The following PSPC1 variants were observed in gnomAD, a reference collection of about 807,000 sequenced individuals.
The protein encoded by PSPC1 is paraspeckle protein 1.
PSPC1 carries 14 observed loss-of-function variants against 51.6 expected under a neutral mutation model. That is an observed-to-expected ratio of 0.27 (90% CI 0.18 to 0.42). PSPC1 has a LOEUF of 0.42. PSPC1 is among the 10% of genes least tolerant of loss of function. The pLI is 1.00. For missense variants in PSPC1, 406 were observed against 701.1 expected, an observed-to-expected ratio of 0.58 and a Z score of 4.75; for synonymous variants, 193 against 231.9, an observed-to-expected ratio of 0.83 and a Z score of 1.53.
downstream of PSPC1, chr13:19,673,212 C>T (rs75415579): frequency 2.5e-4 from 109 of 430,344 alleles, 1 homozygote; most frequent in South Asian, 1.6e-3. Context: ...CCACCACCCT[C>T]TCTGGGAAGA....
At chr13:19,767,582 T>C (rs749990381) in intron 2 of PSPC1, among the ~76,000 whole-genome samples, 3 of 152,130 alleles carry the variant, frequency 2.0e-5, no homozygotes, top group South Asian at 2.1e-4. Flanking sequence ...AGGGTAAATA[T>C]GGTAATTAAG....
Position 19,702,771 on chromosome 13 carries a change from ATT to A in PSPC1, c.*402_*403del, listed in dbSNP as rs1880081021. The A allele has an allele frequency of 5.9e-6, 1 of 168,788 alleles. No homozygotes were observed. Among genetic ancestry groups the A allele is most frequent in the African/African-American group, 2.4e-5 (1 of 41,588 alleles). 10.5% of individuals were successfully genotyped at this position (168,788 alleles called of 1,614,324 possible). On this transcript the variant is annotated 3_prime_UTR_variant, in exon 9 of 9. Coordinates refer to ENST00000338910, the MANE Select transcript of PSPC1 (RefSeq NM_001354909.2). Reference sequence around the variant, plus strand: ...CTTGCGCAAATTAAAAAGCAAAATCATTTTCATTTTTAATGATAGGATTAGTT... The same window carrying A: ...CTTGCGCAAATTAAAAAGCAAAATCATTCATTTTTAATGATAGGATTAGTT...
chr13:19,729,372 A>C lies in PSPC1; in HGVS notation c.1158+867T>G, dbSNP rs181134639. Among the ~76,000 whole-genome samples, 769 of 152,118 alleles carry C rather than the reference A, an allele frequency of 5.1e-3. 32 individuals carry two copies. Among genetic ancestry groups the C allele is most frequent in the Admixed American group, 0.046 (696 of 15,252 alleles). The stretch of plus-strand genomic sequence containing the variant: ...GCCAATATAGTGAAACCCCGTCTCT[A>C]CTAAAAATACAAAAATTAGCCAGGT... On this transcript the variant is annotated intron_variant, in intron 6 of 8. Coordinates refer to ENST00000338910, the MANE Select transcript of PSPC1 (RefSeq NM_001354909.2).
At chr13:19,719,343 A>T (rs1207127705) in intron 6 of PSPC1, among the ~76,000 whole-genome samples, 1 of 152,190 alleles carries the variant, frequency 6.6e-6, no homozygotes, top group Non-Finnish European at 1.5e-5. Flanking sequence ...TAAAAATAAT[A>T]ATAATAAATC....
intron 6 of PSPC1, among the ~76,000 whole-genome samples, chr13:19,681,954 T>C (rs975011749): frequency 4.6e-5 from 7 of 152,242 alleles, no homozygotes; most frequent in Admixed American, 1.3e-4. Flanking sequence ...ACAAAGAATG[T>C]ATTTTCAACA....
intron 7 of PSPC1, chr13:19,675,632 A>G (rs1405988313): frequency 6.6e-6 from 1 of 152,178 alleles, no homozygotes; most frequent in African/African-American, 2.4e-5. Context: ...CGAACAGGAT[A>G]TTTCCCACAA....
chr13:19,696,516 TACGCACACACACACACATATCTG>T (rs1358830287), intron 6 of PSPC1, among the ~76,000 whole-genome samples: 1 of 146,428 alleles, frequency 6.8e-6, no homozygotes, highest in Admixed American at 7.1e-5. Flanking sequence ...CACACACACA[TACGCACACACACACACATATCTG>T]ACGCTACAAA....
At chr13:19,752,435 A>T (rs898334097) in intron 3 of PSPC1, among the ~76,000 whole-genome samples, 2 of 152,092 alleles carry the variant, frequency 1.3e-5, no homozygotes, top group Admixed American at 6.6e-5. Flanking sequence ...TATATATGTA[A>T]ATATTTATTT....
At chr13:19,761,701 G>A (rs1887619088) in intron 2 of PSPC1, among the ~76,000 whole-genome samples, 1 of 152,142 alleles carries the variant, frequency 6.6e-6, no homozygotes, top group African/African-American at 2.4e-5. Flanking sequence ...GAACCCAAAG[G>A]TAAAGAGACT....
chr13:19,685,266 C>G (rs918361797), intron 6 of PSPC1, among the ~76,000 whole-genome samples: 2 of 152,204 alleles, frequency 1.3e-5, no homozygotes, highest in African/African-American at 2.4e-5. Flanking sequence ...TCCGTAAGTG[C>G]CATGTGAACC....
At chr13:19,672,137 T>C (rs1234114788), downstream of PSPC1, 4 of 421,926 alleles carry the variant, frequency 9.5e-6, no homozygotes, top group Non-Finnish European at 1.7e-5. Context: ...TTAAGAAAAT[T>C]AAAGACTTCA....
chr13:19,757,186 G>C (rs1258054167), intron 3 of PSPC1, among the ~76,000 whole-genome samples: 2 of 150,764 alleles, frequency 1.3e-5, no homozygotes, highest in African/African-American at 4.9e-5. Context: ...CCACAACAAA[G>C]CTTTGGGACC....
rs563959977 is a variant in PSPC1, at chr13:19,767,458, T to C, written c.674+4784A>G. Among the ~76,000 whole-genome samples the C allele has an allele frequency of 3.3e-5, 5 of 152,126 alleles. No homozygotes were observed. The East Asian group carries it at 7.7e-4, about 23-fold the overall frequency. On this transcript the variant is annotated intron_variant, in intron 2 of 8. Transcript: ENST00000338910. Reference sequence around the variant, plus strand: ...CCTAAACCCTAAAACATCTGAATGATCCCAACCAATAGCTGACAGCACCAT... The same window carrying C: ...CCTAAACCCTAAAACATCTGAATGACCCCAACCAATAGCTGACAGCACCAT...
At chr13:19,731,468 T>C (rs1312857196) in intron 5 of PSPC1, among the ~76,000 whole-genome samples, 1 of 152,092 alleles carries the variant, frequency 6.6e-6, no homozygotes, top group Non-Finnish European at 1.5e-5. Context: ...TGCTGGAGTG[T>C]CCCAATCTCA....
chr13:19,755,183 C>T (rs1379105248), intron 3 of PSPC1, among the ~76,000 whole-genome samples: 1 of 151,624 alleles, frequency 6.6e-6, no homozygotes, highest in Admixed American at 6.6e-5. Flanking sequence ...CTGCAGTGAG[C>T]CATGACCATG....
Position 19,772,305 on chromosome 13 carries a change from G to A in PSPC1, c.611C>T (p.Ala204Val). ...RATGKGFVEF[A>V]AKPPARKALE... ...AGCCTTTCGTGCAGGAGGTTTTGCT[G>A]CAAACTCTACAAAACCTTTTCCTGT... Residue 204 changes from alanine to valine, a missense_variant, in exon 2 of 9, where the codon GCA becomes GTA. Physicochemically the swap from Ala to Val is moderately conservative, Grantham distance 64. This residue lies in a region of PSPC1 where 180 missense variants were observed against 337.9 expected (regional missense o/e 0.53). Transcript: ENST00000338910. 6.2e-7 allele frequency: 1 copy of A among 1,614,202 alleles called. No individual in the cohort carries two copies. The highest frequency in any genetic ancestry group is 8.5e-7 in the Non-Finnish European group (1 of 1,180,034).
Position 19,772,438 on chromosome 13 carries a change from C to T in PSPC1, c.478G>A (p.Val160Ile). ...GAAACAACTGGAGAAAGGTTCTTGACAGTCAAGGCTGCTCCATGTGTAGCG... is the reference window on the plus strand; with the variant it reads ...GAAACAACTGGAGAAAGGTTCTTGATAGTCAAGGCTGCTCCATGTGTAGCG... ...RFATHGAALT[V>I]KNLSPVVSNE... Residue 160 changes from valine (V) to isoleucine (I), a missense_variant, in exon 2 of 9, where the codon GTC becomes ATC. By Grantham distance (29) the Val-to-Ile change is conservative. Coordinates refer to ENST00000338910, the MANE Select transcript of PSPC1 (RefSeq NM_001354909.2). 1 of 1,614,256 alleles carries T rather than the reference C, an allele frequency of 6.2e-7. No homozygotes were observed. The highest frequency in any genetic ancestry group is 8.5e-7 in the Non-Finnish European group (1 of 1,180,054).
intron 7 of PSPC1, chr13:19,675,136 C>G (rs190915466): frequency 1.0e-4 from 16 of 152,966 alleles, no homozygotes; most frequent in Admixed American, 3.9e-4. Flanking sequence ...TGTGCCGACT[C>G]CCGCTATTTG....
chr13:19,747,826 T>TGTC (rs2138095357), intron 4 of PSPC1, among the ~76,000 whole-genome samples: 1 of 152,314 alleles, frequency 6.6e-6, no homozygotes, highest in Non-Finnish European at 1.5e-5. Flanking sequence ...CCTTCCATGA[T>TGTC]ATGTCATGAT....
Sources: gnomAD v4.1 joint callset for allele counts (sites outside exome capture counted in the v4.1 genomes callset) on GRCh38, gnomAD v4.1.1 for gene constraint, gnomAD v4.1.1 regional missense constraint, MANE v1.5 for transcripts, NCBI Gene and HGNC (gene_info 2026-07-23, HGNC 2026-07-21) for gene names.